ABCB1: variants seen among roughly 807,000 people sequenced by gnomAD.
ABCB1 encodes the protein ATP-dependent translocase ABCB1.
ABCB1 carries 69 observed loss-of-function variants against 142.0 expected under a neutral mutation model. The observed-to-expected ratio is 0.49, with a 90% CI of 0.40 to 0.59. ABCB1 has a LOEUF of 0.59. ABCB1 is among the 20% of genes least tolerant of loss of function. ABCB1 has a pLI of 0.00. For missense variants in ABCB1, 1,326 were observed against 1,554.7 expected (o/e 0.85, Z 2.47); for synonymous variants, 532 against 539.2 (o/e 0.99, Z 0.18).
intron 1 of ABCB1, among the ~76,000 whole-genome samples, chr7:87,663,391 C>A (rs1218238312): frequency 6.6e-6 from 1 of 151,972 alleles, no homozygotes; most frequent in Non-Finnish European, 1.5e-5. Flanking sequence ...TGTTTTCTCT[C>A]TATTTCCATC....
At chr7:87,604,469 A>G (rs1390082988), upstream of ABCB1, among the ~76,000 whole-genome samples, 2 of 151,650 alleles carry the variant, frequency 1.3e-5, no homozygotes, top group East Asian at 3.8e-4. Flanking sequence ...TAAGGGATCC[A>G]CACACTCTCC....
At chr7:87,538,126 T>C (rs1002543717) in intron 19 of ABCB1, among the ~76,000 whole-genome samples, 19 of 152,138 alleles carry the variant, frequency 1.2e-4, no homozygotes, top group African/African-American at 4.3e-4. Flanking sequence ...TTGCCCTACT[T>C]AACAATTTAT....
chr7:87,626,474 TATATATGTGTCATATATATGTGTC>T lies in ABCB1; in HGVS notation c.-330-25420_-330-25397del, dbSNP rs1157455484. Among the ~76,000 whole-genome samples the T allele has an allele frequency of 6.4e-3, 81 of 12,568 alleles. 24 individuals carry two copies. Among genetic ancestry groups the T allele is most frequent in the South Asian group, 0.01 (2 of 192 alleles). The allele number at this position is 12,568 out of a possible 152,430, so 8.2% of individuals were successfully genotyped here. On this transcript the variant is annotated intron_variant, in intron 1 of 28. Transcript: ENST00000265724. ...ATATATATGTGTCATATATGTGTCA[TATATATGTGTCATATATATGTGTC>T]ATATATGTGTCATATATATGTGTCA...
At chr7:87,671,306 C>T (rs998203722) in intron 1 of ABCB1, among the ~76,000 whole-genome samples, 8 of 152,144 alleles carry the variant, frequency 5.3e-5, no homozygotes, top group African/African-American at 1.4e-4. Flanking sequence ...TCCACTGCAG[C>T]GGCAGTCTCA....
Position 87,520,752 on chromosome 7 carries a change from C to T in ABCB1, c.2786+24G>A, listed in dbSNP as rs766417076. The T allele has an allele frequency of 4.4e-6, 7 of 1,575,736 alleles. No homozygotes were observed. The Admixed American group carries it at 5.0e-5, about 11-fold the overall frequency. On this transcript the variant is annotated intron_variant, in intron 22 of 27. Coordinates refer to ENST00000622132, the MANE Select transcript of ABCB1 (RefSeq NM_001348946.2). ...TGATTGAAAAATTATTCACACTCTCCTCCCACTCTTCAGCGGTTATTACCT... is the reference window on the plus strand; with the variant it reads ...TGATTGAAAAATTATTCACACTCTCTTCCCACTCTTCAGCGGTTATTACCT...
intron 1 of ABCB1, chr7:87,629,050 G>C: frequency 4.6e-6 from 5 of 1,097,646 alleles, no homozygotes; most frequent in Non-Finnish European, 5.9e-6. Flanking sequence ...CTGCCGCCCA[G>C]TGCCCCCGCC....
chr7:87,681,953 C>T (rs770756050), intron 1 of ABCB1, among the ~76,000 whole-genome samples: 2 of 152,206 alleles, frequency 1.3e-5, no homozygotes, highest in Non-Finnish European at 2.9e-5. Context: ...CACAGTAGAA[C>T]TTCTTTCAAA....
intron 8 of ABCB1, among the ~76,000 whole-genome samples, chr7:87,557,606 A>G (rs1214153998): frequency 6.6e-6 from 1 of 152,250 alleles, no homozygotes; most frequent in African/African-American, 2.4e-5. Context: ...ATAGCTGTGT[A>G]AGTCCATTTG....
At chr7:87,695,356 GATA>G (rs988562068) in intron 1 of ABCB1, among the ~76,000 whole-genome samples, 2 of 152,002 alleles carry the variant, frequency 1.3e-5, no homozygotes, top group African/African-American at 4.8e-5. Flanking sequence ...TAAAATAGTG[GATA>G]ATATTAAACT....
At chr7:87,572,623 C>G (rs1230230596) in intron 4 of ABCB1, among the ~76,000 whole-genome samples, 1 of 152,032 alleles carries the variant, frequency 6.6e-6, no homozygotes, top group African/African-American at 2.4e-5. Flanking sequence ...TTCATTGTAG[C>G]ACTATTCACA....
rs1554444008 is a variant in ABCB1 at position 87,626,091 on chromosome 7, T to TATATATATATATCTCATATATATGTGTC, written c.-330-25014_-330-25013insGACACATATATATGAGATATATATATAT. 4.2e-5 allele frequency among the ~76,000 whole-genome samples: 4 copies of TATATATATATATCTCATATATATGTGTC among 95,794 alleles called. 1 individual carries two copies. The highest frequency in any genetic ancestry group is 2.5e-4 in the African/African-American group (4 of 15,720). The allele number at this position is 95,794 out of a possible 152,430, so 62.8% of individuals were successfully genotyped here. ...CCAGGCTGAGACATATATATATATA[T>TATATATATATATCTCATATATATGTGTC]ATATATATTGTCATATATATGTGTC... On this transcript the variant is annotated intron_variant, in intron 1 of 28. Coordinates refer to the ABCB1 transcript ENST00000265724.
At chr7:87,655,035 A>G (rs1273609836) in intron 1 of ABCB1, among the ~76,000 whole-genome samples, 1 of 152,126 alleles carries the variant, frequency 6.6e-6, no homozygotes, top group South Asian at 2.1e-4. Flanking sequence ...GAAGGATAAC[A>G]AGTGCTGGAG....
intron 1 of ABCB1, among the ~76,000 whole-genome samples, chr7:87,690,647 G>A (rs967330120): frequency 2.6e-5 from 4 of 152,018 alleles, no homozygotes; most frequent in African/African-American, 9.7e-5. Context: ...TTTATCTGTT[G>A]CTTCGCTGAA....
At chr7:87,630,006 C>G (rs1413859246) in intron 1 of ABCB1, among the ~76,000 whole-genome samples, 2 of 151,580 alleles carry the variant, frequency 1.3e-5, no homozygotes, top group Non-Finnish European at 2.9e-5. Flanking sequence ...TTCTTTAAGT[C>G]TTATATCTGA....
intron 2 of ABCB1, 74 bp from the exon 3 acceptor site, chr7:87,595,888 A>C: frequency 8.5e-7 from 1 of 1,179,682 alleles, no homozygotes; most frequent in South Asian, 1.3e-5. Context: ...TTAACATAGA[A>C]TGTATATTTA....
At chr7:87,616,261 A>T (rs1404960685) in intron 1 of ABCB1, among the ~76,000 whole-genome samples, 1 of 152,216 alleles carries the variant, frequency 6.6e-6, no homozygotes, top group East Asian at 1.9e-4. Flanking sequence ...GGCATTGGAC[A>T]TCTTGTGCAG....
At chr7:87,604,493 T>C (rs2130023523), upstream of ABCB1, among the ~76,000 whole-genome samples, 1 of 152,300 alleles carries the variant, frequency 6.6e-6, no homozygotes, top group East Asian at 1.9e-4. Flanking sequence ...CTTTCACATG[T>C]AATGATTTTT....
In ABCB1 at chr7:87,570,357, G is replaced by C. The variant is rs1338566553; in HGVS notation, c.287-134C>G. On this transcript the variant is annotated intron_variant, in intron 4 of 27. Coordinates refer to ENST00000622132, the MANE Select transcript of ABCB1 (RefSeq NM_001348946.2). ...AGGTCGAACTGACTCAGTTTTAATT[G>C]TGTGTAAGCATTATGGCATTCATTC... The C allele has an allele frequency of 1.7e-5, 15 of 874,956 alleles. No homozygotes were observed. The Admixed American group carries it at 2.7e-4, about 15-fold the overall frequency. The allele number at this position is 874,956 out of a possible 1,614,324, so 54.2% of individuals were successfully genotyped here.
At chr7:87,504,967 C>CT (rs956222957) in intron 27 of ABCB1, among the ~76,000 whole-genome samples, 30 of 147,598 alleles carry the variant, frequency 2.0e-4, no homozygotes, top group South Asian at 8.5e-4. Context: ...CTATCCCTAA[C>CT]TTTTTTTTTT....
Sources: allele counts gnomAD v4.1 joint callset (sites outside exome capture counted in the v4.1 genomes callset), GRCh38; gene constraint gnomAD v4.1.1; transcripts MANE v1.5; gene names NCBI Gene and HGNC (gene_info 2026-07-23, HGNC 2026-07-21).